SIPA1L3: variants seen among roughly 807,000 people sequenced by gnomAD.
The protein encoded by SIPA1L3 is signal-induced proliferation-associated 1-like protein 3.
SIPA1L3 carries 59 observed loss-of-function variants against 150.1 expected under a neutral mutation model. That is an observed-to-expected ratio of 0.39 (90% CI 0.32 to 0.49). SIPA1L3 has a LOEUF of 0.49. Among genes scored for constraint, SIPA1L3 ranks in the 20% least tolerant of loss-of-function variants. The probability of loss-of-function intolerance (pLI) is 0.86; values close to 1 mark genes in which losing one functional copy is unlikely to be tolerated. For synonymous variants in SIPA1L3, 1,070 were observed against 1,077.6 expected (o/e 0.99, Z 0.14); for missense variants, 2,211 against 2,489.5 (o/e 0.89, Z 2.38).
At chr19:37,943,905 A>T (rs775791119) in intron 1 of SIPA1L3, among the ~76,000 whole-genome samples, 10 of 152,070 alleles carry the variant, frequency 6.6e-5, no homozygotes, top group African/African-American at 2.4e-4. Context: ...TCAATTTTTT[A>T]AAAGTGTTTT....
At chr19:37,913,383 G>A (rs139213998) in intron 1 of SIPA1L3, among the ~76,000 whole-genome samples, 108 of 152,110 alleles carry the variant, frequency 7.1e-4, no homozygotes, top group African/African-American at 2.2e-3. Context: ...ATTCTAGCCC[G>A]GGAAGACACA....
chr19:38,025,807 A>T (rs1283840588), intron 1 of SIPA1L3, among the ~76,000 whole-genome samples: 1 of 152,206 alleles, frequency 6.6e-6, no homozygotes, highest in Non-Finnish European at 1.5e-5. Context: ...TGCCCTGCCA[A>T]GCATCTTGAA....
At chr19:38,031,862 A>G (rs1349740530) in intron 2 of SIPA1L3, among the ~76,000 whole-genome samples, 1 of 152,210 alleles carries the variant, frequency 6.6e-6, no homozygotes, top group Non-Finnish European at 1.5e-5. Flanking sequence ...AGGCAGGAGG[A>G]TCGCTTGAGC....
chr19:38,005,395 T>C (rs1030157843), intron 1 of SIPA1L3, among the ~76,000 whole-genome samples: 1 of 151,498 alleles, frequency 6.6e-6, no homozygotes, highest in Non-Finnish European at 1.5e-5. Flanking sequence ...GCGCTCCAGC[T>C]GCTGGGCCTG....
chr19:38,039,055 TG>T (rs1968852468), intron 2 of SIPA1L3, among the ~76,000 whole-genome samples: 1 of 152,032 alleles, frequency 6.6e-6, no homozygotes, highest in Non-Finnish European at 1.5e-5. Flanking sequence ...GCTAATTTTT[TG>T]TATTTTAGTA....
chr19:38,175,703 G>A (rs1972421291), intron 15 of SIPA1L3, among the ~76,000 whole-genome samples: 1 of 152,166 alleles, frequency 6.6e-6, no homozygotes, highest in Non-Finnish European at 1.5e-5. Flanking sequence ...AGGATCTCGT[G>A]AGGCAGGTGC....
intron 16 of SIPA1L3, among the ~76,000 whole-genome samples, chr19:38,187,846 AAT>A (rs998749316): frequency 4.6e-5 from 7 of 151,892 alleles, no homozygotes; most frequent in African/African-American, 1.5e-4. Context: ...AAAATACAAA[AAT>A]TAGCCGAGTA....
At chr19:37,977,245 A>G (rs1409526977) in intron 1 of SIPA1L3, among the ~76,000 whole-genome samples, 1 of 150,610 alleles carries the variant, frequency 6.6e-6, no homozygotes, top group Admixed American at 6.6e-5. Context: ...GCACACTGCA[A>G]CCTCCACCTC....
At chr19:38,061,969 AT>A (rs1228155271) in intron 2 of SIPA1L3, among the ~76,000 whole-genome samples, 1 of 151,682 alleles carries the variant, frequency 6.6e-6, no homozygotes, top group African/African-American at 2.4e-5. Context: ...AGACCAGTGA[AT>A]GGTGGCTTGC....
chr19:38,121,251 A>G (rs2145898903), intron 9 of SIPA1L3, among the ~76,000 whole-genome samples: 1 of 152,312 alleles, frequency 6.6e-6, no homozygotes, highest in East Asian at 1.9e-4. Flanking sequence ...ATCCTGGCTA[A>G]TACGGTGAAA....
At chr19:38,158,035 G>A (rs1020648149) in intron 13 of SIPA1L3, among the ~76,000 whole-genome samples, 1 of 152,176 alleles carries the variant, frequency 6.6e-6, no homozygotes, top group Non-Finnish European at 1.5e-5. Flanking sequence ...GAGGTCAGGA[G>A]TTCGAGAGCA....
At chr19:38,027,582 A>G (rs1016071911) in intron 1 of SIPA1L3, among the ~76,000 whole-genome samples, 5 of 151,936 alleles carry the variant, frequency 3.3e-5, no homozygotes, top group Admixed American at 6.6e-5. Context: ...TTGCCAGCCC[A>G]CTGCCTTCAT....
intron 2 of SIPA1L3, among the ~76,000 whole-genome samples, chr19:38,045,213 A>G (rs776803008): frequency 6.6e-6 from 1 of 152,082 alleles, no homozygotes; most frequent in Non-Finnish European, 1.5e-5. Flanking sequence ...CCCCGTCTCT[A>G]CAAAAAATAC....
intron 1 of SIPA1L3, among the ~76,000 whole-genome samples, chr19:37,997,053 A>G (rs1432665496): frequency 1.3e-5 from 2 of 152,120 alleles, no homozygotes; most frequent in African/African-American, 2.4e-5. Context: ...TTGTATGCCT[A>G]TCCAAGAAGG....
intron 1 of SIPA1L3, among the ~76,000 whole-genome samples, chr19:37,917,869 G>A (rs933630609): frequency 1.3e-5 from 2 of 152,098 alleles, no homozygotes; most frequent in African/African-American, 4.8e-5. Flanking sequence ...GCTGGGTATG[G>A]TGGCTTGTGC....
At chr19:38,023,982 C>G (rs1382293441) in intron 1 of SIPA1L3, among the ~76,000 whole-genome samples, 2 of 151,800 alleles carry the variant, frequency 1.3e-5, no homozygotes, top group Non-Finnish European at 2.9e-5. Flanking sequence ...AATCTCTGGC[C>G]GGTTAGATTG....
chr19:38,053,812 C>G (rs1341228543), intron 2 of SIPA1L3, among the ~76,000 whole-genome samples: 1 of 151,994 alleles, frequency 6.6e-6, no homozygotes, highest in Admixed American at 6.5e-5. Context: ...GTGATCCTCT[C>G]GCCGTGGCCT....
At position 38,082,317 on chromosome 19, in the gene SIPA1L3, TGG is replaced by T; in HGVS notation, c.757_758del (p.Gly253ArgfsTer165). 4.4e-6 allele frequency: 7 copies of T among 1,598,962 alleles called. No homozygotes were observed. Among genetic ancestry groups the T allele is most frequent in the Non-Finnish European group, 5.9e-6 (7 of 1,179,054 alleles). On this transcript the variant is annotated frameshift_variant, in exon 3 of 22. Transcript: ENST00000222345. LOFTEE classifies it high-confidence loss of function. The stretch of plus-strand genomic sequence containing the variant: ...CGGGCAGATCCTGGCCCACACCTCA[TGG>T]GGGGCGGCGGCGGAGCCAAGGGGGA...
In SIPA1L3 at chr19:38,082,265, G is replaced by A; in HGVS notation, c.700G>A (p.Gly234Arg). ...EFRSEQPDAR[G>R]CQALTELLRA... is the part of the protein sequence containing the mutation. ...CCGCAGCGAGCAGCCCGACGCCCGA[G>A]GGTGCCAGGCCCTCACCGAGCTCCT... Residue 234 changes from glycine (G) to arginine (R), a missense_variant, in exon 3 of 22, where the codon GGG (glycine) becomes AGG (arginine). Transcript: ENST00000222345. The A allele has an allele frequency of 6.2e-7, 1 of 1,600,570 alleles. No individual in the cohort carries two copies. The highest frequency in any genetic ancestry group is 8.5e-7 in the Non-Finnish European group (1 of 1,179,742).
Sources: allele counts gnomAD v4.1 joint callset (sites outside exome capture counted in the v4.1 genomes callset), GRCh38; gene constraint gnomAD v4.1.1; transcripts MANE v1.5; gene names NCBI Gene and HGNC (gene_info 2026-07-23, HGNC 2026-07-21).